Variants in STXBP4 observed in about 807,000 individuals in gnomAD.
The protein encoded by STXBP4 is syntaxin binding protein 4, also known as syntaxin-binding protein 4.
STXBP4 carries 55 observed loss-of-function variants against 76.1 expected under a neutral mutation model. The ratio of observed to expected loss-of-function variants is 0.72; its 90% CI spans 0.58 to 0.91. The LOEUF is 0.91. Among genes scored for constraint, STXBP4 ranks in the 40% least tolerant of loss-of-function variants. The pLI, the probability that STXBP4 is intolerant of heterozygous loss-of-function variation, is 0.00. For synonymous variants in STXBP4, 201 were observed against 220.2 expected (o/e 0.91, Z 0.77); for missense variants, 618 against 636.9 (o/e 0.97, Z 0.32).
At chr17:55,013,625 G>A (rs950334880) in intron 8 of STXBP4, among the ~76,000 whole-genome samples, 1 of 152,200 alleles carries the variant, frequency 6.6e-6, no homozygotes, top group Non-Finnish European at 1.5e-5. Context: ...TGGAAACCTT[G>A]TAGCCACAGG....
chr17:55,122,706 A>G (rs1373257617), intron 16 of STXBP4, among the ~76,000 whole-genome samples: 2 of 152,222 alleles, frequency 1.3e-5, no homozygotes, highest in Admixed American at 6.5e-5. Flanking sequence ...GAAGCACTCA[A>G]AAGTTTAGAT....
chr17:55,077,702 T>TGC (rs2079200836), intron 13 of STXBP4, among the ~76,000 whole-genome samples: 3 of 150,042 alleles, frequency 2.0e-5, no homozygotes, highest in Admixed American at 2.0e-4. Flanking sequence ...TGTGTGTGTG[T>TGC]GTGTGTGTGT....
chr17:55,066,548 A>T (rs538496398), intron 12 of STXBP4, among the ~76,000 whole-genome samples: 1 of 152,320 alleles, frequency 6.6e-6, no homozygotes, highest in East Asian at 1.9e-4. Context: ...TTAAGGAAAT[A>T]TAAATTAATG....
At chr17:54,997,597 ATTT>A (rs2077830326) in intron 4 of STXBP4, among the ~76,000 whole-genome samples, 2 of 144,348 alleles carry the variant, frequency 1.4e-5, no homozygotes, top group Admixed American at 7.0e-5. Flanking sequence ...TATTTTATAT[ATTT>A]TATATATATA....
chr17:54,976,345 T>C (rs951944147), intron 1 of STXBP4, among the ~76,000 whole-genome samples: 2 of 152,256 alleles, frequency 1.3e-5, no homozygotes, highest in African/African-American at 4.8e-5. Context: ...CCCATAGAAC[T>C]GATATTAATC....
intron 4 of STXBP4, among the ~76,000 whole-genome samples, chr17:54,993,027 T>C (rs570129790): frequency 2.1e-4 from 32 of 152,306 alleles, no homozygotes; most frequent in African/African-American, 7.0e-4. Context: ...AATTTGCTTT[T>C]AAGACAAGCA....
intron 17 of STXBP4, among the ~76,000 whole-genome samples, chr17:55,155,000 C>G (rs1169454312): frequency 6.6e-6 from 1 of 152,066 alleles, no homozygotes; most frequent in African/African-American, 2.4e-5. Context: ...TGATCAGAGC[C>G]TCACTGGATT....
At chr17:55,057,864 A>T (rs909004836) in intron 12 of STXBP4, among the ~76,000 whole-genome samples, 1 of 152,062 alleles carries the variant, frequency 6.6e-6, no homozygotes, top group Non-Finnish European at 1.5e-5. Flanking sequence ...TCATCCATGT[A>T]TCTGCAAAGG....
At chr17:55,041,960 T>C (rs987603528) in intron 10 of STXBP4, among the ~76,000 whole-genome samples, 1 of 152,190 alleles carries the variant, frequency 6.6e-6, no homozygotes, top group African/African-American at 2.4e-5. Flanking sequence ...TGAATTCTTA[T>C]GAGTGTTTGT....
chr17:55,052,534 AGACTT>A (rs1275422054), intron 12 of STXBP4, among the ~76,000 whole-genome samples: 1 of 152,162 alleles, frequency 6.6e-6, no homozygotes, highest in Non-Finnish European at 1.5e-5. Flanking sequence ...ATTTTAATAA[AGACTT>A]GATCAGGCAC....
chr17:55,158,232 A>G (rs2080302243), intron 17 of STXBP4, among the ~76,000 whole-genome samples: 1 of 152,168 alleles, frequency 6.6e-6, no homozygotes, highest in Non-Finnish European at 1.5e-5. Context: ...GTGCCAGGCT[A>G]TTCTTCACAT....
intron 8 of STXBP4, among the ~76,000 whole-genome samples, chr17:55,008,691 T>C (rs2078051770): frequency 6.6e-6 from 1 of 152,176 alleles, no homozygotes; most frequent in Non-Finnish European, 1.5e-5. Flanking sequence ...GCCTGTTTGT[T>C]CAGATTCTTA....
In STXBP4 at chr17:55,146,134, G is replaced by A. The variant is rs369640873; in HGVS notation, c.1547+4767G>A. On this transcript the variant is annotated intron_variant, in intron 17 of 17. Coordinates refer to ENST00000376352, the MANE Select transcript of STXBP4 (RefSeq NM_178509.6). ...TATTATGAGAGTTATCAAGTTTGTA[G>A]TAAAACTGAATTTATGACAAATTAG... Among the ~76,000 whole-genome samples the A allele has an allele frequency of 3.3e-3, 509 of 152,210 alleles. 1 individual carries two copies. The highest frequency in any genetic ancestry group is 0.011 in the African/African-American group (470 of 41,528).
intron 16 of STXBP4, among the ~76,000 whole-genome samples, chr17:55,107,311 C>G (rs1412512173): frequency 1.3e-5 from 2 of 152,140 alleles, no homozygotes. Flanking sequence ...CTTCTCTCAA[C>G]TGGTTATTCT....
At chr17:55,109,624 CTTTTT>C (rs551292679) in intron 16 of STXBP4, among the ~76,000 whole-genome samples, 6 of 114,356 alleles carry the variant, frequency 5.2e-5, no homozygotes, top group African/African-American at 3.4e-5. Context: ...AACTCAATGT[CTTTTT>C]TTTTTTTTTT....
At chr17:55,155,233 A>G (rs244286) in intron 17 of STXBP4, among the ~76,000 whole-genome samples, 98,416 of 151,956 alleles carry the variant, frequency 0.65, 32,885 homozygotes, top group African/African-American at 0.81. Flanking sequence ...ACCAGTGTTT[A>G]TATAAGATTA....
chr17:54,993,613 A>G (rs2077753183), intron 4 of STXBP4, among the ~76,000 whole-genome samples: 1 of 152,258 alleles, frequency 6.6e-6, no homozygotes, highest in South Asian at 2.1e-4. Flanking sequence ...CAATGTATTA[A>G]TACATTTACT....
the STXBP4 span, among the ~76,000 whole-genome samples, chr17:55,211,706 C>T: frequency 6.6e-6 from 1 of 151,154 alleles, no homozygotes; most frequent in Non-Finnish European, 1.5e-5. Flanking sequence ...ATTCAGAATC[C>T]ATTTGACAAG....
intron 16 of STXBP4, among the ~76,000 whole-genome samples, chr17:55,101,282 G>A (rs558283827): frequency 7.2e-5 from 11 of 152,070 alleles, no homozygotes; most frequent in Admixed American, 2.6e-4. Context: ...AGGGCTTTTA[G>A]GCACTCTTCA....
Sources: allele counts gnomAD v4.1 joint callset (sites outside exome capture counted in the v4.1 genomes callset), GRCh38; gene constraint gnomAD v4.1.1; transcripts MANE v1.5; gene names NCBI Gene and HGNC (gene_info 2026-07-23, HGNC 2026-07-21).